The following ZFP62 variants were observed in gnomAD, a reference collection of about 807,000 sequenced individuals.
ZFP62 encodes the protein zinc finger protein 62 homolog.
ZFP62 carries 44 observed loss-of-function variants against 56.4 expected under a neutral mutation model. That is an observed-to-expected ratio of 0.78 (90% CI 0.61 to 1.00). The LOEUF (loss-of-function observed/expected upper bound fraction) is 1.00. Among genes scored for constraint, ZFP62 ranks in the 50% least tolerant of loss-of-function variants. The probability of loss-of-function intolerance (pLI) is 0.00; values close to 1 mark genes in which losing one functional copy is unlikely to be tolerated. For missense variants in ZFP62, 1,030 were observed against 1,085.7 expected, an observed-to-expected ratio of 0.95 and a Z score of 0.72; for synonymous variants, 421 against 388.9, an observed-to-expected ratio of 1.08 and a Z score of -0.97.
chr5:180,849,434 G>C lies in ZFP62; in HGVS notation c.2061C>G (p.Ser687Arg). 2 of 1,551,072 alleles carry C rather than the reference G, an allele frequency of 1.3e-6. No homozygotes were observed. Among genetic ancestry groups the C allele is most frequent in the Non-Finnish European group, 1.7e-6 (2 of 1,146,664 alleles). The part of the protein sequence containing the change: ...VCGKAYISHS[S>R]LINHKSTHPG... ...GGTGGGTACTCTTATGGTTAATAAG[G>C]CTTGAGTGTGAGATGTAGGCTTTTC... The change falls in exon 2 of 2, where the codon AGC becomes AGG. Residue 687 changes from serine to arginine, a missense_variant. Transcript: ENST00000502412.
At chr5:180,853,932 G>T (rs1447891372) in intron 1 of ZFP62, among the ~76,000 whole-genome samples, 1 of 152,230 alleles carries the variant, frequency 6.6e-6, no homozygotes, top group Non-Finnish European at 1.5e-5. Context: ...GGATGAATTT[G>T]CAGTACTGGT....
chr5:180,828,892 G>A, the ZFP62 span, among the ~76,000 whole-genome samples: 11 of 152,268 alleles, frequency 7.2e-5, 1 homozygote, highest in African/African-American at 2.4e-4. Context: ...TAAGACCCTG[G>A]GAAAGGAATG....
intron 1 of ZFP62, among the ~76,000 whole-genome samples, chr5:180,851,777 T>A (rs1161075298): frequency 2.0e-5 from 3 of 152,144 alleles, no homozygotes; most frequent in Admixed American, 6.5e-5. Flanking sequence ...TAGGGCAGGG[T>A]GAAATGATGC....
the ZFP62 span, among the ~76,000 whole-genome samples, chr5:180,837,024 T>A: frequency 6.6e-6 from 1 of 152,250 alleles, no homozygotes; most frequent in African/African-American, 2.4e-5. Context: ...GCCAGGTCCC[T>A]CAGTGTCCAC....
chr5:180,838,458 T>C, the ZFP62 span, among the ~76,000 whole-genome samples: 1 of 152,236 alleles, frequency 6.6e-6, no homozygotes, highest in African/African-American at 2.4e-5. Context: ...ACTGAAATCT[T>C]TGCTCTAAAG....
chr5:180,834,242 T>A, the ZFP62 span: 2 of 152,228 alleles, frequency 1.3e-5, no homozygotes, highest in African/African-American at 2.4e-5. Flanking sequence ...AGCTGTTGCA[T>A]TAGGGATAGA....
In ZFP62 at chr5:180,847,654, G is replaced by A. The variant is rs17080695; in HGVS notation, c.*1138C>T. On this transcript the variant is annotated 3_prime_UTR_variant, in exon 2 of 2. Coordinates refer to ENST00000502412, the MANE Select transcript of ZFP62 (RefSeq NM_001172638.2). ...CTTTATTGGAATTCCACTTTACCTC[G>A]CCACAAGGAGCTGGCTTTCATGACA... is the stretch of plus-strand genomic sequence containing the variant. 8,246 of 985,286 alleles carry A rather than the reference G, an allele frequency of 8.4e-3. 548 individuals carry two copies. The African/African-American group carries it at 0.13, about 16-fold the overall frequency. The allele number at this position is 985,286 out of a possible 1,614,324, so 61.0% of individuals were successfully genotyped here.
At position 180,850,133 on chromosome 5, in the gene ZFP62, A is replaced by C; in HGVS notation, c.1362T>G (p.Cys454Trp). The change falls in exon 2 of 2, where the codon TGT becomes TGG. Residue 454 changes from cysteine (C) to tryptophan (W), a missense_variant. Coordinates refer to ENST00000502412, the MANE Select transcript of ZFP62 (RefSeq NM_001172638.2). ...CTGCATTGTTTCTGAACGTTTTCCC[A>C]CACACATCACATACATAAGGTCTCT... ...TGERPYVCDV[C>W]GKTFRNNAGL... is the part of the protein sequence containing the mutation. 1 of 1,551,788 alleles carries C rather than the reference A, an allele frequency of 6.4e-7. No individual in the cohort carries two copies. The highest frequency in any genetic ancestry group is 8.7e-7 in the Non-Finnish European group (1 of 1,147,032).
chr5:180,855,321 T>C (rs1773912677), intron 1 of ZFP62, among the ~76,000 whole-genome samples: 1 of 152,206 alleles, frequency 6.6e-6, no homozygotes, highest in Non-Finnish European at 1.5e-5. Flanking sequence ...CTTCTACACC[T>C]TCCCCTCCAG....
downstream of ZFP62, among the ~76,000 whole-genome samples, chr5:180,842,952 A>G (rs1407265292): frequency 1.3e-5 from 2 of 151,798 alleles, no homozygotes; most frequent in African/African-American, 2.4e-5. Flanking sequence ...CTGAGGTAGG[A>G]GAATTGCTTG....
chr5:180,844,955 T>G (rs1773379840), downstream of ZFP62, among the ~76,000 whole-genome samples: 2 of 152,076 alleles, frequency 1.3e-5, no homozygotes, highest in Non-Finnish European at 2.9e-5. Context: ...CTAGGCAGCC[T>G]TCTAAGGACC....
intron 1 of ZFP62, chr5:180,860,689 C>CA (rs111743384): frequency 0.12 from 15,342 of 124,240 alleles, 1,230 homozygotes; most frequent in South Asian, 0.16. Flanking sequence ...ACTCACCGAC[C>CA]AAAAAAAAAA....
the ZFP62 span, chr5:180,834,932 A>G: frequency 6.7e-5 from 10 of 149,954 alleles, no homozygotes; most frequent in Non-Finnish European, 1.2e-4. Flanking sequence ...GAGACACAAA[A>G]GCTTGCTCTC....
At chr5:180,827,097 C>T in the ZFP62 span, among the ~76,000 whole-genome samples, 2 of 152,220 alleles carry the variant, frequency 1.3e-5, no homozygotes, top group African/African-American at 4.8e-5. Context: ...AGCCACTATA[C>T]AAAAAGACAC....
downstream of ZFP62, among the ~76,000 whole-genome samples, chr5:180,843,566 G>C (rs1276615369): frequency 6.6e-6 from 1 of 152,136 alleles, no homozygotes; most frequent in Non-Finnish European, 1.5e-5. Context: ...GAGACTTTTA[G>C]TAAAAGGCAT....
At chr5:180,859,224 C>A (rs2113724436) in intron 1 of ZFP62, among the ~76,000 whole-genome samples, 1 of 152,302 alleles carries the variant, frequency 6.6e-6, no homozygotes, top group South Asian at 2.1e-4. Flanking sequence ...CAATCTACCA[C>A]CTCAAGGTTC....
chr5:180,847,528 G>A, downstream of ZFP62: 1 of 937,216 alleles, frequency 1.1e-6, no homozygotes, highest in Non-Finnish European at 1.3e-6. Flanking sequence ...TACCCTCTCT[G>A]GTTTGGATCT....
chr5:180,849,843 T>C lies in ZFP62; in HGVS notation c.1652A>G (p.His551Arg), dbSNP rs1353305343. Residue 551 changes from histidine to arginine, a missense_variant, in exon 2 of 2, where the codon CAT becomes CGT. By Grantham distance (29) the His-to-Arg change is conservative. Transcript: ENST00000502412. Reference protein sequence around the residue: ...AFRNNSGLKVHKRIHTGERPY... With the variant: ...AFRNNSGLKVRKRIHTGERPY... ...TCGTTCCCCAGTGTGGATTCGTTTA[T>C]GTACTTTAAGGCCAGAATTATTTCT... 1 of 1,551,816 alleles carries C rather than the reference T, an allele frequency of 6.4e-7. No homozygotes were observed. Among genetic ancestry groups the C allele is most frequent in the Non-Finnish European group, 8.7e-7 (1 of 1,147,062 alleles).
chr5:180,861,091 G>A (rs1419767999), intron 1 of ZFP62, 128 bp downstream of exon 1: 2 of 397,574 alleles, frequency 5.0e-6, no homozygotes, highest in Admixed American at 4.4e-5. Flanking sequence ...GACATGTGCG[G>A]GGAGGGGGCA....
Sources: gnomAD v4.1 joint callset for allele counts (sites outside exome capture counted in the v4.1 genomes callset) on GRCh38, gnomAD v4.1.1 for gene constraint, MANE v1.5 for transcripts, NCBI Gene and HGNC (gene_info 2026-07-23, HGNC 2026-07-21) for gene names.